Variants in CDH26 observed in about 807,000 individuals in gnomAD.
CDH26 encodes the protein cadherin 26.
In CDH26, 83 loss-of-function variants were observed where a neutral mutation model predicts 90.3. The observed-to-expected ratio is 0.92, with a 90% CI of 0.77 to 1.10. CDH26 has a LOEUF of 1.10. Ranked by LOEUF, CDH26 falls within the 50% of genes least tolerant of loss-of-function variation. The pLI is 0.00. For synonymous variants in CDH26, 397 were observed against 396.3 expected (o/e 1.00, Z -0.02); for missense variants, 1,013 against 1,037.6 (o/e 0.98, Z 0.33).
At position 60,030,789 on chromosome 20, in the gene CDH26, C is replaced by G. The variant is rs1037891299; in HGVS notation, c.948-442C>G. On this transcript the variant is annotated intron_variant, in intron 7 of 8. Coordinates refer to the CDH26 transcript ENST00000370991. The surrounding 1 kb of genome is among the most constrained non-coding windows in gnomAD (Gnocchi z 4.0). ...GAGGGAGTGGAGTGGGTTCTAATGA[C>G]ATTGCTTAAGTCCTGCACCTAGTTA... is the stretch of plus-strand genomic sequence containing the variant. 2.6e-5 allele frequency among the ~76,000 whole-genome samples: 4 copies of G among 152,252 alleles called. No homozygotes were observed. Among genetic ancestry groups the G allele is most frequent in the African/African-American group, 7.2e-5 (3 of 41,542 alleles).
At chr20:59,993,611 G>T (rs986010251) in intron 10 of CDH26, among the ~76,000 whole-genome samples, 10 of 152,214 alleles carry the variant, frequency 6.6e-5, no homozygotes, top group African/African-American at 2.2e-4. Context: ...TTTTATGGCT[G>T]AGTAGTATTC....
chr20:59,995,901 G>A lies in CDH26; in HGVS notation c.1735G>A (p.Gly579Arg), dbSNP rs747143481. The A allele has an allele frequency of 6.2e-7, 1 of 1,614,226 alleles. No homozygotes were observed. Among genetic ancestry groups the A allele is most frequent in the African/African-American group, 1.3e-5 (1 of 75,056 alleles). The change falls in exon 12 of 18, where the codon GGA (glycine) becomes AGA (arginine). Residue 579 changes from glycine (G) to arginine (R), a missense_variant. Coordinates refer to ENST00000348616, the MANE Select transcript of CDH26 (RefSeq NM_177980.4). ...TAATTACTTGGTGCCACTCTTCATT[G>A]GAGACAAACAGGGACTTTCCCAGAA... is the stretch of plus-strand genomic sequence containing the variant. The part of the protein sequence containing the change: ...RGNYLVPLFI[G>R]DKQGLSQKQT...
At chr20:59,973,494 C>T (rs117872738) in intron 4 of CDH26, among the ~76,000 whole-genome samples, 2,979 of 152,008 alleles carry the variant, frequency 0.02, 43 homozygotes, top group Middle Eastern at 0.037. Context: ...TTTCATCATC[C>T]AGGTATTAAG....
At chr20:60,008,570 C>G (rs974972860) in intron 17 of CDH26, among the ~76,000 whole-genome samples, 1 of 152,158 alleles carries the variant, frequency 6.6e-6, no homozygotes, top group Non-Finnish European at 1.5e-5. Context: ...TTTTGTGAAA[C>G]CCATTGGTGA....
intron 7 of CDH26, among the ~76,000 whole-genome samples, chr20:60,020,882 T>C (rs564279546): frequency 1.1e-4 from 16 of 152,288 alleles, no homozygotes; most frequent in African/African-American, 3.9e-4. Context: ...GTGTTTGCAG[T>C]GGCAATAGGG....
intron 17 of CDH26, among the ~76,000 whole-genome samples, chr20:60,009,003 G>T (rs2061792411): frequency 6.6e-6 from 1 of 152,226 alleles, no homozygotes; most frequent in Admixed American, 6.5e-5. Flanking sequence ...AGGATGAGCT[G>T]CGGGGAAATT....
rs114640404 is a variant in CDH26, at chr20:59,986,943, G to A, written c.838-510G>A. On this transcript the variant is annotated intron_variant, in intron 7 of 17. Coordinates refer to ENST00000348616, the MANE Select transcript of CDH26 (RefSeq NM_177980.4). ...AAAAAGCAATGCTCTCAAAAATATG[G>A]CTGGAAAAAAAATATACCCTCTTAT... 9.3e-3 allele frequency among the ~76,000 whole-genome samples: 1,407 copies of A among 151,924 alleles called. 32 individuals carry two copies. Among genetic ancestry groups the A allele is most frequent in the African/African-American group, 0.033 (1,351 of 41,440 alleles).
rs576049609 is a variant in CDH26, at chr20:60,032,176, G to A, written c.1143+750G>A. Among the ~76,000 whole-genome samples the A allele has an allele frequency of 8.5e-5, 13 of 152,310 alleles. No individual in the cohort carries two copies. The South Asian group carries it at 2.7e-3, about 32-fold the overall frequency. On this transcript the variant is annotated intron_variant, in intron 8 of 8. Coordinates refer to the CDH26 transcript ENST00000370991. ...GTATCAGTCGGAGAAATTAATGCTG[G>A]CAGCTGAAACAGGTAAAACCACCAA... is the stretch of plus-strand genomic sequence containing the variant.
At position 59,988,903 on chromosome 20, in the gene CDH26, G is replaced by A; in HGVS notation, c.1024-1G>A. 1 of 1,613,494 alleles carries A rather than the reference G, an allele frequency of 6.2e-7. No individual in the cohort carries two copies. The highest frequency in any genetic ancestry group is 8.5e-7 in the Non-Finnish European group (1 of 1,179,570). ...ATGAAATCCTCTCTCTGGGGTTCCAGCCTTTGGATTATGAGACTCGCCCAG... is the reference window on the plus strand; with the variant it reads ...ATGAAATCCTCTCTCTGGGGTTCCAACCTTTGGATTATGAGACTCGCCCAG... On this transcript the variant is annotated splice_acceptor_variant, in intron 8 of 17. Transcript: ENST00000348616. LOFTEE classifies it high-confidence loss of function.
Position 60,006,803 on chromosome 20 carries a change from C to T in CDH26, c.2295+16C>T, listed in dbSNP as rs2061759641. The T allele has an allele frequency of 9.4e-6, 15 of 1,602,872 alleles. No homozygotes were observed. The highest frequency in any genetic ancestry group is 3.3e-5 in the South Asian group (3 of 90,844). ...ATTGAATCAGGTAGGGAGAGCTCCC[C>T]TTGTGCTGTGCACTAGCTATGGGTT... On this transcript the variant is annotated intron_variant, in intron 17 of 17. Coordinates refer to ENST00000348616, the MANE Select transcript of CDH26 (RefSeq NM_177980.4).
intron 7 of CDH26, among the ~76,000 whole-genome samples, chr20:60,021,897 C>CACACAT (rs1295572684): frequency 8.7e-4 from 69 of 78,990 alleles, no homozygotes; most frequent in African/African-American, 2.6e-3. Context: ...CACACACACA[C>CACACAT]ATATATATAT....
chr20:59,990,979 C>T (rs1258202039), intron 9 of CDH26, among the ~76,000 whole-genome samples: 1 of 151,984 alleles, frequency 6.6e-6, no homozygotes, highest in Non-Finnish European at 1.5e-5. Flanking sequence ...TTGTGATTCT[C>T]CTGCCTCAGC....
chr20:60,006,345 T>G (rs768818440), intron 16 of CDH26, among the ~76,000 whole-genome samples: 1 of 137,388 alleles, frequency 7.3e-6, no homozygotes, highest in Non-Finnish European at 1.5e-5. Context: ...TGGGAAACAA[T>G]GGGCAGGTTC....
chr20:60,021,849 TACACAC>T (rs757813328), intron 7 of CDH26, among the ~76,000 whole-genome samples: 1,018 of 42,546 alleles, frequency 0.024, 52 homozygotes, highest in African/African-American at 0.056. Context: ...TCCTTATCTG[TACACAC>T]ACACACACAC....
rs1020697425 is a variant in CDH26 at position 59,969,009 on chromosome 20, A to C, written c.112A>C (p.Thr38Pro). Residue 38 changes from threonine (T) to proline (P), a missense_variant, in exon 2 of 18, where the codon ACT (threonine) becomes CCT (proline). Transcript: ENST00000348616. The stretch of plus-strand genomic sequence containing the variant: ...TGTTCAACAGGAAACAGATGATCTT[A>C]CTAAGCAAACAAAGGTGAGGTTTGG... The part of the protein sequence containing the change: ...DSVQQETDDL[T>P]KQTKEKIYQP... 6.3e-7 allele frequency: 1 copy of C among 1,593,160 alleles called. No individual in the cohort carries two copies.
At chr20:59,964,088 G>A (rs2061114663) in intron 1 of CDH26, among the ~76,000 whole-genome samples, 1 of 152,190 alleles carries the variant, frequency 6.6e-6, no homozygotes, top group African/African-American at 2.4e-5. Context: ...TCCAAATTCT[G>A]CTGATTTTTA....
At chr20:60,005,574 A>G (rs767914184) in intron 16 of CDH26, among the ~76,000 whole-genome samples, 1 of 152,166 alleles carries the variant, frequency 6.6e-6, no homozygotes, top group Non-Finnish European at 1.5e-5. Flanking sequence ...TATTTTACAT[A>G]TGTCTTCTGG....
chr20:60,023,172 G>GA (rs1210680982), intron 7 of CDH26, among the ~76,000 whole-genome samples: 1 of 152,232 alleles, frequency 6.6e-6, no homozygotes, highest in Non-Finnish European at 1.5e-5. Context: ...TGTAGTGCAG[G>GA]ATAGAAGAGG....
intron 17 of CDH26, among the ~76,000 whole-genome samples, 174 bp from the exon 18 acceptor site, chr20:60,012,353 C>G (rs894320923): frequency 6.6e-6 from 1 of 152,260 alleles, no homozygotes; most frequent in Middle Eastern, 3.4e-3. Context: ...TGGGATGTCT[C>G]CCCTCAGCAT....
Sources: allele counts gnomAD v4.1 joint callset (sites outside exome capture counted in the v4.1 genomes callset), GRCh38; gene constraint gnomAD v4.1.1; non-coding constraint Gnocchi (gnomAD v3.1); transcripts MANE v1.5; gene names NCBI Gene and HGNC (gene_info 2026-07-23, HGNC 2026-07-21).